Variants in SHISA9 observed in about 807,000 individuals in gnomAD.
SHISA9 encodes the protein protein shisa-9.
A neutral mutation model predicts 38.0 loss-of-function variants in SHISA9; 13 were observed. The ratio of observed to expected loss-of-function variants is 0.34; its 90% CI spans 0.22 to 0.54. SHISA9 has a LOEUF of 0.54. Ranked by LOEUF, SHISA9 falls within the 20% of genes least tolerant of loss-of-function variation. The pLI is 0.91. For missense variants in SHISA9, 538 were observed against 575.8 expected (o/e 0.93, Z 0.67); for synonymous variants, 275 against 242.0 (o/e 1.14, Z -1.27).
At chr16:13,177,863 T>A (rs1440379013) in intron 2 of SHISA9, among the ~76,000 whole-genome samples, 1 of 151,972 alleles carries the variant, frequency 6.6e-6, no homozygotes, top group Non-Finnish European at 1.5e-5. Flanking sequence ...ACAGAAGGGG[T>A]TTCACCATGT....
In SHISA9 at chr16:13,225,724, T is replaced by G. The variant is rs568803747; in HGVS notation, c.896-9306T>G. 9.9e-5 allele frequency among the ~76,000 whole-genome samples: 15 copies of G among 152,282 alleles called. 1 individual carries two copies. In the East Asian group the frequency reaches 2.9e-3, roughly 29 times the overall value. Reference sequence around the variant, plus strand: ...AGACCCTCAGATGTGCAGCTTGTTTTGGGAACTGGTTATTACCTTGACGTT... The same window carrying G: ...AGACCCTCAGATGTGCAGCTTGTTTGGGGAACTGGTTATTACCTTGACGTT... On this transcript the variant is annotated intron_variant, in intron 4 of 4. Transcript: ENST00000558583.
At chr16:13,002,573 C>T (rs1033158186) in intron 2 of SHISA9, among the ~76,000 whole-genome samples, 21 of 140,404 alleles carry the variant, frequency 1.5e-4, no homozygotes, top group Non-Finnish European at 2.7e-4. Flanking sequence ...CACTCTGTTG[C>T]CCAGGCTTCA....
At chr16:13,027,552 A>G (rs1433721024) in intron 2 of SHISA9, among the ~76,000 whole-genome samples, 2 of 152,210 alleles carry the variant, frequency 1.3e-5, no homozygotes, top group Non-Finnish European at 2.9e-5. Context: ...ATGTCTATCA[A>G]TGGGAGAATG....
chr16:13,020,021 T>TTCCTTCCC (rs2072832609), intron 2 of SHISA9, among the ~76,000 whole-genome samples: 1 of 131,864 alleles, frequency 7.6e-6, no homozygotes, highest in Non-Finnish European at 1.6e-5. Context: ...CCCTCCTTCC[T>TTCCTTCCC]TCCTTCTCTT....
intron 2 of SHISA9, among the ~76,000 whole-genome samples, chr16:13,178,877 G>T (rs1024865849): frequency 2.6e-5 from 4 of 151,862 alleles, no homozygotes; most frequent in Non-Finnish European, 4.4e-5. Context: ...GTTTTTTTCT[G>T]CCCTATTTAG....
At chr16:13,212,740 C>G (rs2142064970) in intron 3 of SHISA9, among the ~76,000 whole-genome samples, 1 of 152,294 alleles carries the variant, frequency 6.6e-6, no homozygotes, top group Middle Eastern at 3.4e-3. Flanking sequence ...CCCCATGGGG[C>G]CTGTCACCCA....
chr16:12,968,356 A>G (rs2072009388), intron 2 of SHISA9, among the ~76,000 whole-genome samples: 1 of 152,144 alleles, frequency 6.6e-6, no homozygotes, highest in African/African-American at 2.4e-5. Context: ...CCACTGACCT[A>G]AATATCCATT....
At chr16:13,434,517 A>G in the SHISA9 span, among the ~76,000 whole-genome samples, 2 of 147,908 alleles carry the variant, frequency 1.4e-5, no homozygotes, top group Non-Finnish European at 1.5e-5. Flanking sequence ...TCCCAGGTTC[A>G]CACCATTCTC....
Position 13,203,498 on chromosome 16 carries a change from C to G in SHISA9, c.796C>G (p.Gln266Glu). 3 of 1,548,990 alleles carry G rather than the reference C, an allele frequency of 1.9e-6. No individual in the cohort carries two copies. The highest frequency in any genetic ancestry group is 1.7e-6 in the Non-Finnish European group (2 of 1,145,756). The part of the protein sequence containing the change: ...NLGQISNPYE[Q>E]QPPGKELNKY... ...GGGCCAGATCTCCAACCCCTATGAA[C>G]AGCAGCCACCAGGAAAAGAGCTCAA... The change falls in exon 3 of 5, where the codon CAG becomes GAG. Residue 266 changes from glutamine (Q) to glutamate (E), a missense_variant. Coordinates refer to ENST00000558583, the MANE Select transcript of SHISA9 (RefSeq NM_001145204.3).
chr16:12,952,700 CCTT>C (rs1237363416), intron 2 of SHISA9, among the ~76,000 whole-genome samples: 1 of 152,174 alleles, frequency 6.6e-6, no homozygotes, highest in Admixed American at 6.5e-5. Flanking sequence ...ACTCTTTCTC[CCTT>C]CTTCTGCCAT....
At chr16:13,250,649 A>G in the SHISA9 span, among the ~76,000 whole-genome samples, 2 of 152,102 alleles carry the variant, frequency 1.3e-5, no homozygotes, top group South Asian at 2.1e-4. Flanking sequence ...GGCACCCACC[A>G]GGTGCTTATA....
At chr16:13,367,958 A>G in the SHISA9 span, among the ~76,000 whole-genome samples, 6 of 152,142 alleles carry the variant, frequency 3.9e-5, no homozygotes, top group African/African-American at 1.4e-4. Context: ...CACAATGTGC[A>G]GGTTAGTTAC....
chr16:13,098,886 G>T (rs1439445876), intron 2 of SHISA9, among the ~76,000 whole-genome samples: 1 of 152,210 alleles, frequency 6.6e-6, no homozygotes, highest in East Asian at 1.9e-4. Flanking sequence ...TCTGAGATTT[G>T]GTTTCTTCAT....
chr16:13,559,024 A>G, the SHISA9 span, among the ~76,000 whole-genome samples: 2 of 152,322 alleles, frequency 1.3e-5, no homozygotes, highest in African/African-American at 2.4e-5. Flanking sequence ...TACAAAGATA[A>G]TTATTATTTG....
chr16:13,164,240 T>A (rs988714133), intron 2 of SHISA9, among the ~76,000 whole-genome samples: 1 of 152,080 alleles, frequency 6.6e-6, no homozygotes, highest in African/African-American at 2.4e-5. Flanking sequence ...TCTATTGAAA[T>A]GATCTTATGG....
the SHISA9 span, among the ~76,000 whole-genome samples, chr16:13,468,619 C>T: frequency 6.6e-6 from 1 of 152,144 alleles, no homozygotes; most frequent in Non-Finnish European, 1.5e-5. Flanking sequence ...GAGGTCCATT[C>T]CTGCACCAAG....
At chr16:13,398,953 G>A in the SHISA9 span, among the ~76,000 whole-genome samples, 1 of 152,066 alleles carries the variant, frequency 6.6e-6, no homozygotes, top group African/African-American at 2.4e-5. Context: ...CCAGTTATAC[G>A]CATTAGAACC....
chr16:13,097,776 C>T (rs913331602), intron 2 of SHISA9, among the ~76,000 whole-genome samples: 8 of 152,076 alleles, frequency 5.3e-5, no homozygotes, highest in African/African-American at 1.9e-4. Context: ...CTTAATAGCA[C>T]TGGGTGATGG....
chr16:13,050,764 T>C (rs1322578007), intron 2 of SHISA9, among the ~76,000 whole-genome samples: 1 of 152,196 alleles, frequency 6.6e-6, no homozygotes, highest in Non-Finnish European at 1.5e-5. Flanking sequence ...CTCAATAAGC[T>C]AGTAACAGAT....
Sources: gnomAD v4.1 joint callset for allele counts (sites outside exome capture counted in the v4.1 genomes callset) on GRCh38, gnomAD v4.1.1 for gene constraint, MANE v1.5 for transcripts, NCBI Gene and HGNC (gene_info 2026-07-23, HGNC 2026-07-21) for gene names.